DLC1: variants seen among roughly 807,000 people sequenced by gnomAD.
DLC1 encodes the protein DLC1 Rho GTPase activating protein, also known as rho GTPase-activating protein 7.
DLC1 carries 54 observed loss-of-function variants against 140.3 expected under a neutral mutation model. The observed-to-expected ratio is 0.38, with a 90% confidence interval of 0.31 to 0.48. The LOEUF (loss-of-function observed/expected upper bound fraction) is 0.48. Ranked by LOEUF, DLC1 falls within the 20% of genes least tolerant of loss-of-function variation. DLC1 has a pLI of 0.96. For missense variants in DLC1, 2,536 were observed against 1,907.0 expected, an observed-to-expected ratio of 1.33 and a Z score of -6.14; for synonymous variants, 986 against 728.1, an observed-to-expected ratio of 1.35 and a Z score of -5.70.
At chr8:13,298,720 G>T (rs1237187946) in intron 5 of DLC1, among the ~76,000 whole-genome samples, 6 of 152,144 alleles carry the variant, frequency 3.9e-5, no homozygotes. Context: ...AATGAAGCAA[G>T]TAGGATTTTC....
At chr8:13,481,708 C>T (rs1026275060) in intron 2 of DLC1, among the ~76,000 whole-genome samples, 1 of 152,112 alleles carries the variant, frequency 6.6e-6, no homozygotes, top group African/African-American at 2.4e-5. Context: ...GACCCCTCTC[C>T]CAATTCTTAT....
At chr8:13,577,694 T>A (rs1804892915) in intron 1 of DLC1, among the ~76,000 whole-genome samples, 1 of 152,242 alleles carries the variant, frequency 6.6e-6, no homozygotes, top group South Asian at 2.1e-4. Flanking sequence ...AGTCAAATTA[T>A]GCCCACTGTT....
At chr8:13,328,097 G>T (rs116509996) in intron 4 of DLC1, among the ~76,000 whole-genome samples, 1 of 152,090 alleles carries the variant, frequency 6.6e-6, no homozygotes. Context: ...CTGCTGAGGC[G>T]GTCACTAGAT....
At chr8:13,463,055 A>G (rs1007219340) in intron 2 of DLC1, among the ~76,000 whole-genome samples, 11 of 149,024 alleles carry the variant, frequency 7.4e-5, no homozygotes, top group Non-Finnish European at 1.3e-4. Context: ...TATCCAACAT[A>G]GCCTCTTACA....
At chr8:13,247,927 ATGT>A (rs1829833665) in intron 5 of DLC1, among the ~76,000 whole-genome samples, 1 of 152,206 alleles carries the variant, frequency 6.6e-6, no homozygotes, top group Non-Finnish European at 1.5e-5. Flanking sequence ...TTTTAATGGG[ATGT>A]TGTTTACAGT....
intron 2 of DLC1, among the ~76,000 whole-genome samples, chr8:13,480,126 C>G (rs1169437582): frequency 6.6e-6 from 1 of 152,008 alleles, no homozygotes; most frequent in Non-Finnish European, 1.5e-5. Flanking sequence ...TATAGATCTT[C>G]TAATATAAAA....
At position 13,146,000 on chromosome 8, in the gene DLC1, C is replaced by T. The variant is rs368673827; in HGVS notation, c.1349-30343G>A. Among the ~76,000 whole-genome samples the T allele has an allele frequency of 1.7e-3, 255 of 152,138 alleles. 1 individual carries two copies. The highest frequency in any genetic ancestry group is 5.9e-3 in the African/African-American group (245 of 41,514). On this transcript the variant is annotated intron_variant, in intron 5 of 17. Coordinates refer to ENST00000276297, the MANE Select transcript of DLC1 (RefSeq NM_182643.3). ...AGTCTCTTAAAATATACTGTAGGGC[C>T]GGGCGCAGTGGCTCATACCTGTAAT...
At chr8:13,118,528 A>C (rs931518439) in intron 5 of DLC1, among the ~76,000 whole-genome samples, 2 of 152,206 alleles carry the variant, frequency 1.3e-5, no homozygotes, top group East Asian at 3.9e-4. Context: ...GCTGCATTCA[A>C]ATGAGACCCT....
chr8:13,143,729 G>A (rs569357172), intron 5 of DLC1, among the ~76,000 whole-genome samples: 26 of 151,222 alleles, frequency 1.7e-4, no homozygotes, highest in African/African-American at 6.3e-4. Flanking sequence ...CTTTTTCTTG[G>A]GATAATCATT....
chr8:13,337,708 A>G (rs1833864128), intron 4 of DLC1, among the ~76,000 whole-genome samples: 1 of 152,218 alleles, frequency 6.6e-6, no homozygotes, highest in Non-Finnish European at 1.5e-5. Context: ...TTACCTACAG[A>G]GCATCTTTCC....
At chr8:13,460,501 A>G (rs1176395919) in intron 2 of DLC1, among the ~76,000 whole-genome samples, 1 of 152,340 alleles carries the variant, frequency 6.6e-6, no homozygotes, top group Non-Finnish European at 1.5e-5. Flanking sequence ...TCCATCCTGG[A>G]ATATCTCCTA....
intron 5 of DLC1, among the ~76,000 whole-genome samples, chr8:13,241,564 T>C (rs917580635): frequency 2.6e-5 from 4 of 152,188 alleles, no homozygotes; most frequent in African/African-American, 9.6e-5. Flanking sequence ...TCTCTGAATG[T>C]AGCGGAGGAA....
chr8:13,604,567 G>C (rs1431342289), exon 1 of DLC1: 2 of 152,188 alleles, frequency 1.3e-5, no homozygotes, highest in East Asian at 1.9e-4. Flanking sequence ...TTCCAAAGCA[G>C]AGTAGAGCAG....
At chr8:13,569,893 CTTT>C (rs942874204) in intron 1 of DLC1, among the ~76,000 whole-genome samples, 3 of 152,046 alleles carry the variant, frequency 2.0e-5, no homozygotes, top group Non-Finnish European at 4.4e-5. Flanking sequence ...GGCTAAATTT[CTTT>C]ATTTGTATTT....
intron 1 of DLC1, among the ~76,000 whole-genome samples, chr8:13,533,289 C>T (rs919700513): frequency 2.7e-4 from 41 of 151,638 alleles, no homozygotes; most frequent in Non-Finnish European, 5.7e-4. Context: ...CTGAATTTTT[C>T]ATTGTGAGAA....
At chr8:13,560,334 TCTTA>T (rs1032505419) in intron 1 of DLC1, among the ~76,000 whole-genome samples, 86 of 152,338 alleles carry the variant, frequency 5.6e-4, no homozygotes, top group African/African-American at 2.0e-3. Context: ...TAAAATAATT[TCTTA>T]CTTAAGTATG....
chr8:13,269,169 G>C (rs1345996198), intron 5 of DLC1, among the ~76,000 whole-genome samples: 1 of 152,042 alleles, frequency 6.6e-6, no homozygotes, highest in Non-Finnish European at 1.5e-5. Context: ...CACCGCTCCC[G>C]GCCTCATTCA....
chr8:13,120,370 T>TATATATAA (rs369581778), intron 5 of DLC1, among the ~76,000 whole-genome samples: 14 of 110,864 alleles, frequency 1.3e-4, no homozygotes, highest in African/African-American at 2.5e-4. Flanking sequence ...TATATATATA[T>TATATATAA]AAAATGTATA....
intron 5 of DLC1, among the ~76,000 whole-genome samples, chr8:13,142,044 C>A (rs535855752): frequency 2.6e-4 from 39 of 152,116 alleles, no homozygotes; most frequent in African/African-American, 8.9e-4. Context: ...TGAATTCTCA[C>A]GAGATCTGAT....
Sources: allele counts gnomAD v4.1 joint callset (sites outside exome capture counted in the v4.1 genomes callset), GRCh38; gene constraint gnomAD v4.1.1; transcripts MANE v1.5; gene names NCBI Gene and HGNC (gene_info 2026-07-23, HGNC 2026-07-21).